Variants in COL5A1 observed in about 807,000 individuals in gnomAD.
COL5A1 encodes the protein collagen alpha-1(V) chain.
COL5A1 carries 16 observed loss-of-function variants against 263.7 expected under a neutral mutation model. The observed-to-expected ratio is 0.06, with a 90% CI of 0.04 to 0.09. The LOEUF (loss-of-function observed/expected upper bound fraction) is 0.09. COL5A1 is among the 10% of genes least tolerant of loss of function. COL5A1 has a pLI of 1.00. For missense variants in COL5A1, 2,036 were observed against 2,540.5 expected, an observed-to-expected ratio of 0.80 and a Z score of 4.27; for synonymous variants, 1,012 against 1,004.5, an observed-to-expected ratio of 1.01 and a Z score of -0.14.
chr9:134,780,516 G>C (rs1042045356), intron 28 of COL5A1, among the ~76,000 whole-genome samples: 2 of 151,924 alleles, frequency 1.3e-5, no homozygotes, highest in Non-Finnish European at 2.9e-5. Context: ...TTGCATGGCC[G>C]CTGGCACGAG....
At position 134,818,073 on chromosome 9, in the gene COL5A1, G is replaced by A. The variant is rs148739904; in HGVS notation, c.4230+242G>A. 2.8e-3 allele frequency among the ~76,000 whole-genome samples: 422 copies of A among 152,338 alleles called. 1 individual carries two copies. Among genetic ancestry groups the A allele is most frequent in the Non-Finnish European group, 4.2e-3 (289 of 68,032 alleles). On this transcript the variant is annotated intron_variant, in intron 54 of 65. Transcript: ENST00000371817. This position sits in a 1 kb window ranked among gnomAD's most constrained non-coding sequence, Gnocchi z 6.0. ...CCACCTGAGGGAGGAGGCGGGTGGT[G>A]GGTGCGGGATTCAGGGAGCCCAAGG... is the stretch of plus-strand genomic sequence containing the variant.
rs142118279 is a variant in COL5A1 at position 134,830,306 on chromosome 9, G to A, written c.5136+262G>A. On this transcript the variant is annotated intron_variant, in intron 64 of 65. Transcript: ENST00000371817. Reference sequence around the variant, plus strand: ...CTTGCCAAACCGCTCCACATCACGTGACAGCAAGACTCAGCTAGGTGTGGA... The same window carrying A: ...CTTGCCAAACCGCTCCACATCACGTAACAGCAAGACTCAGCTAGGTGTGGA... 9.0e-4 allele frequency: 818 copies of A among 905,730 alleles called. 3 individuals are homozygous for A. Among genetic ancestry groups the A allele is most frequent in the African/African-American group, 7.8e-3 (469 of 60,380 alleles). 56.1% of individuals were successfully genotyped at this position (905,730 alleles called of 1,614,324 possible). A position where few individuals can be genotyped will look rare whatever the true frequency, so the allele number is the denominator to read the frequency against.
intron 31 of COL5A1, among the ~76,000 whole-genome samples, chr9:134,786,776 A>T (rs1053578893): frequency 1.3e-5 from 2 of 152,188 alleles, no homozygotes; most frequent in Non-Finnish European, 1.5e-5. Context: ...CACTGGAGAC[A>T]TAATTAACAG....
At chr9:134,650,415 G>A (rs1346362042) in intron 1 of COL5A1, among the ~76,000 whole-genome samples, 1 of 152,234 alleles carries the variant, frequency 6.6e-6, no homozygotes, top group Non-Finnish European at 1.5e-5. Context: ...AAAGACATTG[G>A]GTGTGTCAGC....
rs1294151720 is a variant in COL5A1 at position 134,841,740 on chromosome 9, C to G, written c.5371-417C>G. ...GAACCTGGAGCCCCCGTTTGATTTTCCAGTGTGCCCTGCTTGTTCTGTAGC... is the reference window on the plus strand; with the variant it reads ...GAACCTGGAGCCCCCGTTTGATTTTGCAGTGTGCCCTGCTTGTTCTGTAGC... On this transcript the variant is annotated intron_variant, in intron 65 of 65. Coordinates refer to ENST00000371817, the MANE Select transcript of COL5A1 (RefSeq NM_000093.5). This position sits in a 1 kb window ranked among gnomAD's most constrained non-coding sequence, Gnocchi z 4.8. Among the ~76,000 whole-genome samples, 1 of 152,116 alleles carries G rather than the reference C, an allele frequency of 6.6e-6. No homozygotes were observed. The highest frequency in any genetic ancestry group is 1.5e-5 in the Non-Finnish European group (1 of 68,014).
intron 51 of COL5A1, 31 bp downstream of exon 51, chr9:134,815,660 T>C (rs775380131): frequency 3.0e-5 from 49 of 1,609,668 alleles, no homozygotes; most frequent in Non-Finnish European, 4.0e-5. Flanking sequence ...AGCCACCGGA[T>C]CCCCCACAGT....
intron 25 of COL5A1, among the ~76,000 whole-genome samples, chr9:134,770,911 T>C (rs2132737547): frequency 6.6e-6 from 1 of 152,380 alleles, no homozygotes; most frequent in Non-Finnish European, 1.5e-5. Context: ...GGGAGCTTTG[T>C]GCTTCCCCCC....
chr9:134,824,536 T>C, intron 61 of COL5A1, 64 bp from the exon 62 acceptor site: 1 of 1,604,072 alleles, frequency 6.2e-7, no homozygotes, highest in Non-Finnish European at 8.5e-7. Context: ...GTCCCTGCTC[T>C]GCTCATATCC....
intron 27 of COL5A1, among the ~76,000 whole-genome samples, chr9:134,779,381 C>T (rs892464825): frequency 1.3e-5 from 2 of 152,228 alleles, no homozygotes; most frequent in Admixed American, 1.3e-4. Context: ...CCCAGAAACT[C>T]CTGTTCAGCA....
At position 134,794,751 on chromosome 9, in the gene COL5A1, G is replaced by A. The variant is rs150081877; in HGVS notation, c.2701-331G>A. Among the ~76,000 whole-genome samples the A allele has an allele frequency of 2.0e-3, 297 of 152,258 alleles. 2 individuals are homozygous for A. The highest frequency in any genetic ancestry group is 0.014 in the Middle Eastern group (4 of 294). ...AGAGAGAAAGAGAGATGAGGAGGAG[G>A]GGAAGGAGGGAGGAAGGAGGAGGAG... On this transcript the variant is annotated intron_variant, in intron 32 of 65. Coordinates refer to ENST00000371817, the MANE Select transcript of COL5A1 (RefSeq NM_000093.5). The surrounding 1 kb of genome is among the most constrained non-coding windows in gnomAD (Gnocchi z 4.3).
intron 4 of COL5A1, among the ~76,000 whole-genome samples, chr9:134,724,198 G>A (rs1255416792): frequency 2.0e-5 from 3 of 152,202 alleles, no homozygotes; most frequent in Non-Finnish European, 4.4e-5. Flanking sequence ...CTTTTCCTGA[G>A]CACATGCCTT....
At chr9:134,746,558 C>T (rs1422499349) in intron 11 of COL5A1, among the ~76,000 whole-genome samples, 2 of 152,230 alleles carry the variant, frequency 1.3e-5, no homozygotes, top group African/African-American at 4.8e-5. Flanking sequence ...CCAGCCACAT[C>T]GTCTCTGTGC....
intron 40 of COL5A1, 38 bp downstream of exon 40, chr9:134,805,102 G>A (rs1056687978): frequency 1.2e-6 from 2 of 1,613,552 alleles, no homozygotes; most frequent in Admixed American, 1.7e-5. Context: ...AATGGGACAG[G>A]TGCAGCCCTG....
intron 1 of COL5A1, among the ~76,000 whole-genome samples, chr9:134,670,986 T>C (rs1374018919): frequency 6.6e-6 from 1 of 152,134 alleles, no homozygotes; most frequent in Non-Finnish European, 1.5e-5. Flanking sequence ...AGGTGGCTGG[T>C]AGAGAGGTGG....
chr9:134,816,698 C>T (rs533754717), intron 52 of COL5A1, among the ~76,000 whole-genome samples: 7 of 152,206 alleles, frequency 4.6e-5, no homozygotes, highest in Non-Finnish European at 5.9e-5. Context: ...TCTTGTCCCC[C>T]CTTCTGTGAA....
At position 134,843,146 on chromosome 9, in the gene COL5A1, C is replaced by G. The variant is rs776614297; in HGVS notation, c.*843C>G. Reference sequence around the variant, plus strand: ...GCCCCTTTTCAGACAGTTTTTGATTCGCTCTAGACTTTTTTTTTTTTTAAT... The same window carrying G: ...GCCCCTTTTCAGACAGTTTTTGATTGGCTCTAGACTTTTTTTTTTTTTAAT... On this transcript the variant is annotated 3_prime_UTR_variant, in exon 66 of 66. Transcript: ENST00000371817. 2 of 136,298 alleles carry G rather than the reference C, an allele frequency of 1.5e-5. No individual in the cohort carries two copies. The highest frequency in any genetic ancestry group is 1.5e-5 in the Non-Finnish European group (1 of 64,570). The allele number at this position is 136,298 out of a possible 1,614,324, so 8.4% of individuals were successfully genotyped here.
At chr9:134,747,789 A>G (rs3128614) in intron 11 of COL5A1, among the ~76,000 whole-genome samples, 25,822 of 143,480 alleles carry the variant, frequency 0.18, 3,040 homozygotes, top group Non-Finnish European at 0.23. Flanking sequence ...GCACACATGC[A>G]TTCATACACA....
intron 2 of COL5A1, among the ~76,000 whole-genome samples, chr9:134,698,849 T>C (rs1833572355): frequency 1.3e-5 from 2 of 152,228 alleles, no homozygotes; most frequent in Non-Finnish European, 2.9e-5. Context: ...TCACGATGGC[T>C]CAAGCCCACC....
In COL5A1 at chr9:134,814,949, G is replaced by A. The variant is rs762422823; in HGVS notation, c.4014+45G>A. 8 of 1,373,174 alleles carry A rather than the reference G, an allele frequency of 5.8e-6. No individual in the cohort carries two copies. The South Asian group carries it at 8.8e-5, about 15-fold the overall frequency. 85.1% of individuals were successfully genotyped at this position (1,373,174 alleles called of 1,614,324 possible). ...CTCAGGGGCCCTGCAGCAGGGGCGG[G>A]GCTCTGCACTGGGATCATTCTGACT... On this transcript the variant is annotated intron_variant, in intron 50 of 65. Coordinates refer to ENST00000371817, the MANE Select transcript of COL5A1 (RefSeq NM_000093.5).
Sources: allele counts gnomAD v4.1 joint callset (sites outside exome capture counted in the v4.1 genomes callset), GRCh38; gene constraint gnomAD v4.1.1; non-coding constraint Gnocchi (gnomAD v3.1); transcripts MANE v1.5; gene names NCBI Gene and HGNC (gene_info 2026-07-23, HGNC 2026-07-21).